Variants in CASK observed in about 807,000 individuals in gnomAD.
The protein encoded by CASK is peripheral plasma membrane protein CASK.
CASK carries 4 observed loss-of-function variants against 82.9 expected under a neutral mutation model. The observed-to-expected ratio is 0.05, with a 90% CI of 0.02 to 0.11. The LOEUF (loss-of-function observed/expected upper bound fraction) is 0.11, where lower values mean the gene tolerates loss of function less well. Among genes scored for constraint, CASK ranks in the 10% least tolerant of loss-of-function variants. The pLI is 1.00. For synonymous variants in CASK, 259 were observed against 253.5 expected, an observed-to-expected ratio of 1.02 and a Z score of -0.20; for missense variants, 358 against 720.9, an observed-to-expected ratio of 0.50 and a Z score of 5.76.
intron 2 of CASK, among the ~76,000 whole-genome samples, chrX:41,813,536 C>T (rs1457847801): frequency 9.0e-6 from 1 of 111,335 alleles, no homozygotes; most frequent in African/African-American, 3.3e-5. Flanking sequence ...ACTGGCTAGC[C>T]ATATGTAGAA....
At chrX:41,695,971 A>G (rs2067681384) in intron 5 of CASK, 1 of 1,205,923 alleles carries the variant, frequency 8.3e-7, no homozygotes, top group African/African-American at 1.7e-5. Context: ...CGAATAATGT[A>G]TCATATTAAC....
intron 2 of CASK, among the ~76,000 whole-genome samples, chrX:41,831,671 C>A (rs2070817582): frequency 8.9e-6 from 1 of 112,281 alleles, no homozygotes; most frequent in Admixed American, 9.4e-5. Flanking sequence ...TATAAAGCAA[C>A]AGTTCAGCTG....
intron 5 of CASK, among the ~76,000 whole-genome samples, chrX:41,680,308 C>T (rs936636970): frequency 1.2e-4 from 13 of 109,657 alleles, no homozygotes; most frequent in Non-Finnish European, 1.3e-4. Context: ...ATGGTGAAGC[C>T]CTAACTCTAC....
chrX:41,907,947 A>G (rs769513288), intron 1 of CASK, among the ~76,000 whole-genome samples: 8 of 111,828 alleles, frequency 7.2e-5, no homozygotes, highest in African/African-American at 2.3e-4. Context: ...TTGTGCTTCT[A>G]TGAGAATCTA....
chrX:41,920,851 T>G (rs1017168953), intron 1 of CASK, among the ~76,000 whole-genome samples: 1 of 112,173 alleles, frequency 8.9e-6, no homozygotes, highest in African/African-American at 3.2e-5. Flanking sequence ...TAATTAACAT[T>G]TTAATCTCAC....
chrX:41,580,933 G>C (rs1257253960), intron 14 of CASK, among the ~76,000 whole-genome samples: 2 of 112,340 alleles, frequency 1.8e-5, no homozygotes, highest in Non-Finnish European at 3.8e-5. Flanking sequence ...AACAACATCA[G>C]ACTAGAGTGG....
chrX:41,831,831 C>T (rs924727238), intron 2 of CASK, among the ~76,000 whole-genome samples: 4 of 110,771 alleles, frequency 3.6e-5, no homozygotes, highest in African/African-American at 1.3e-4. Context: ...CATTGTGGTG[C>T]ACGCCTGTAA....
intron 10 of CASK, chrX:41,624,328 G>A (rs1314908462): frequency 2.9e-6 from 1 of 342,123 alleles, no homozygotes; most frequent in African/African-American, 2.6e-5. Flanking sequence ...CCTTTCATGT[G>A]GGAAGGGCTC....
chrX:41,917,337 C>A (rs2072710429), intron 1 of CASK, among the ~76,000 whole-genome samples: 1 of 112,191 alleles, frequency 8.9e-6, no homozygotes, highest in African/African-American at 3.2e-5. Context: ...ATGTCAATCC[C>A]TTTATAAAGT....
chrX:41,780,389 G>T (rs2069450438), intron 3 of CASK, among the ~76,000 whole-genome samples: 1 of 111,509 alleles, frequency 9.0e-6, no homozygotes, highest in African/African-American at 3.3e-5. Flanking sequence ...CCTTTATGTT[G>T]TATTACCCCC....
intron 3 of CASK, among the ~76,000 whole-genome samples, chrX:41,755,130 G>T (rs1353769403): frequency 9.0e-6 from 1 of 110,778 alleles, no homozygotes. Flanking sequence ...GCCTGCCTCG[G>T]CCTCCCAAAG....
intron 5 of CASK, among the ~76,000 whole-genome samples, chrX:41,713,540 T>C (rs1446006456): frequency 8.9e-6 from 1 of 112,143 alleles, no homozygotes; most frequent in Non-Finnish European, 1.9e-5. Context: ...ACTCACTGAA[T>C]ACATCCATTA....
intron 5 of CASK, among the ~76,000 whole-genome samples, chrX:41,691,373 A>G (rs1160174253): frequency 3.6e-5 from 4 of 112,305 alleles, no homozygotes; most frequent in African/African-American, 1.3e-4. Flanking sequence ...AAAGAAGTAA[A>G]GCTAGATGGC....
intron 21 of CASK, among the ~76,000 whole-genome samples, chrX:41,547,090 T>C (rs1034800396): frequency 4.6e-5 from 5 of 108,353 alleles, no homozygotes; most frequent in Non-Finnish European, 7.7e-5. Flanking sequence ...GCCACCACGC[T>C]CAGCTAATTT....
At chrX:41,554,085 T>G (rs912796280) in intron 20 of CASK, among the ~76,000 whole-genome samples, 170 bp from the exon 21 acceptor site, 1 of 112,346 alleles carries the variant, frequency 8.9e-6, no homozygotes, top group Non-Finnish European at 1.9e-5. Context: ...CTAGAAACAA[T>G]GTACTAGTAA....
chrX:41,831,728 G>A (rs1440001869), intron 2 of CASK, among the ~76,000 whole-genome samples: 1 of 112,192 alleles, frequency 8.9e-6, no homozygotes, highest in African/African-American at 3.2e-5. Flanking sequence ...GGAGGCCGAG[G>A]CGGGCTGATC....
intron 3 of CASK, among the ~76,000 whole-genome samples, chrX:41,746,250 T>G (rs933018272): frequency 9.0e-6 from 1 of 111,219 alleles, no homozygotes; most frequent in African/African-American, 3.3e-5. Flanking sequence ...TCTACCTACC[T>G]TGTCCACTGA....
chrX:41,698,994 T>G (rs2067742938), intron 5 of CASK, among the ~76,000 whole-genome samples: 1 of 111,354 alleles, frequency 9.0e-6, no homozygotes, highest in Admixed American at 9.6e-5. Context: ...TGGCGTGATC[T>G]TAGCTCACTG....
chrX:41,912,790 T>TTATATATATATATATATA (rs202164173), intron 1 of CASK, among the ~76,000 whole-genome samples: 1 of 97,948 alleles, frequency 1.0e-5, no homozygotes, highest in Non-Finnish European at 2.1e-5. Context: ...TGCAAGTAAT[T>TTATATATATATATATATA]TATATATATA....
Sources: allele counts gnomAD v4.1 joint callset (sites outside exome capture counted in the v4.1 genomes callset), GRCh38; gene constraint gnomAD v4.1.1; transcripts MANE v1.5; gene names NCBI Gene and HGNC (gene_info 2026-07-23, HGNC 2026-07-21).